Variants in PTN observed in about 807,000 individuals in gnomAD.
PTN encodes heparin affin regulatory protein.
A neutral mutation model predicts 24.1 loss-of-function variants in PTN; 18 were observed. That is an observed-to-expected ratio of 0.75 (90% CI 0.52 to 1.11). The LOEUF (loss-of-function observed/expected upper bound fraction) is 1.11. Among genes scored for constraint, PTN ranks in the 50% least tolerant of loss-of-function variants. The pLI, the probability that PTN is intolerant of heterozygous loss-of-function variation, is 0.00. For synonymous variants in PTN, 78 were observed against 68.6 expected (o/e 1.14, Z -0.67); for missense variants, 163 against 198.8 (o/e 0.82, Z 1.08).
intron 1 of PTN, among the ~76,000 whole-genome samples, chr7:137,316,871 C>T (rs551329278): frequency 6.6e-5 from 10 of 152,262 alleles, no homozygotes; most frequent in South Asian, 2.1e-4. Flanking sequence ...TGTGGAAATA[C>T]GCAAGGCAGT....
intron 1 of PTN, among the ~76,000 whole-genome samples, chr7:137,330,303 T>C (rs1044855473): frequency 4.3e-5 from 6 of 140,914 alleles, no homozygotes; most frequent in Non-Finnish European, 6.2e-5. Flanking sequence ...ATGAAGAAGA[T>C]GGAGAAGGAG....
At chr7:137,298,207 C>A (rs1344141288) in intron 1 of PTN, among the ~76,000 whole-genome samples, 1 of 151,930 alleles carries the variant, frequency 6.6e-6, no homozygotes, top group African/African-American at 2.4e-5. Context: ...TTGTGTTAAT[C>A]CAAATTTTGA....
chr7:137,340,828 G>A (rs1810521997), intron 1 of PTN, among the ~76,000 whole-genome samples: 1 of 152,336 alleles, frequency 6.6e-6, no homozygotes. Context: ...GCACTCAGGT[G>A]TGGAGGATGT....
intron 1 of PTN, among the ~76,000 whole-genome samples, chr7:137,299,314 TA>T (rs1331895616): frequency 6.6e-6 from 1 of 151,976 alleles, no homozygotes; most frequent in Admixed American, 6.6e-5. Flanking sequence ...GCTCTAGGCA[TA>T]ATACTAAATG....
At chr7:137,336,043 G>T (rs1295018448) in intron 1 of PTN, among the ~76,000 whole-genome samples, 2 of 150,870 alleles carry the variant, frequency 1.3e-5, no homozygotes, top group African/African-American at 4.9e-5. Flanking sequence ...GGCAATCTCT[G>T]TGTGTCCTGA....
chr7:137,315,171 C>T (rs1054560650), intron 1 of PTN, among the ~76,000 whole-genome samples: 28 of 152,070 alleles, frequency 1.8e-4, no homozygotes, highest in Non-Finnish European at 4.4e-5. Context: ...ATAATTATGC[C>T]ATGCAATGGT....
chr7:137,336,443 G>T lies in PTN; in HGVS notation c.-2+6996C>A, dbSNP rs559569629. Among the ~76,000 whole-genome samples the T allele has an allele frequency of 2.7e-4, 41 of 152,196 alleles. No homozygotes were observed. In the South Asian group the frequency reaches 6.8e-3, roughly 25 times the overall value. ...TCAGCAATAAAGTGCCTGTCTCTTG[G>T]ATTGGGAGTCTTCTGTATGCAAAAT... On this transcript the variant is annotated intron_variant, in intron 1 of 4. Transcript: ENST00000348225.
intron 1 of PTN, among the ~76,000 whole-genome samples, chr7:137,324,519 C>T (rs1025628550): frequency 9.4e-5 from 14 of 149,598 alleles, no homozygotes; most frequent in Non-Finnish European, 2.1e-4. Context: ...CACTTTAAGA[C>T]CACAGCCCCA....
At chr7:137,338,285 A>T (rs911785941) in intron 1 of PTN, among the ~76,000 whole-genome samples, 4 of 152,202 alleles carry the variant, frequency 2.6e-5, no homozygotes, top group Non-Finnish European at 2.9e-5. Flanking sequence ...GGACATCTAC[A>T]GGGAGTGCCA....
intron 1 of PTN, among the ~76,000 whole-genome samples, chr7:137,293,418 C>A (rs1809671755): frequency 6.6e-6 from 1 of 152,056 alleles, no homozygotes; most frequent in Non-Finnish European, 1.5e-5. Flanking sequence ...CCCTAAATAC[C>A]TTTAGAAGTT....
At chr7:137,271,163 A>T (rs1276628278) in intron 1 of PTN, among the ~76,000 whole-genome samples, 1 of 152,194 alleles carries the variant, frequency 6.6e-6, no homozygotes, top group Non-Finnish European at 1.5e-5. Flanking sequence ...ATCTGATCAA[A>T]CCTGAAATCG....
intron 1 of PTN, among the ~76,000 whole-genome samples, chr7:137,267,376 T>G (rs1436733698): frequency 6.6e-6 from 1 of 152,070 alleles, no homozygotes; most frequent in Admixed American, 6.6e-5. Context: ...CCGCTTATGC[T>G]GCTGTTCTCT....
intron 1 of PTN, among the ~76,000 whole-genome samples, chr7:137,328,834 C>T (rs1810304653): frequency 1.3e-5 from 2 of 152,068 alleles, no homozygotes; most frequent in South Asian, 2.1e-4. Flanking sequence ...CATTCCTTAT[C>T]CAAGACACGG....
chr7:137,257,385 T>C (rs1808952442), intron 1 of PTN, among the ~76,000 whole-genome samples: 1 of 152,242 alleles, frequency 6.6e-6, no homozygotes. Flanking sequence ...TTCTACTGAT[T>C]CTGAGGCTTT....
chr7:137,299,621 A>C (rs1451735149), intron 1 of PTN, among the ~76,000 whole-genome samples: 1 of 151,930 alleles, frequency 6.6e-6, no homozygotes, highest in Non-Finnish European at 1.5e-5. Flanking sequence ...GAAAGTGCTA[A>C]AAACCATGCT....
At position 137,234,941 on chromosome 7, in the gene PTN, T is replaced by C. The variant is rs141314337; in HGVS notation, c.452-6866A>G. Reference sequence around the variant, plus strand: ...TAAAGCAGTGGGAGGAAGTATTGATTAGAATAGAAATACAAAATGTGCACC... The same window carrying C: ...TAAAGCAGTGGGAGGAAGTATTGATCAGAATAGAAATACAAAATGTGCACC... On this transcript the variant is annotated intron_variant, in intron 4 of 4. Transcript: ENST00000348225. Among the ~76,000 whole-genome samples the C allele has an allele frequency of 2.4e-3, 359 of 152,148 alleles. 2 individuals carry two copies. The highest frequency in any genetic ancestry group is 8.1e-3 in the African/African-American group (335 of 41,542).
chr7:137,280,051 G>A (rs1809441560), intron 1 of PTN, among the ~76,000 whole-genome samples: 1 of 152,170 alleles, frequency 6.6e-6, no homozygotes, highest in Admixed American at 6.5e-5. Flanking sequence ...GAGATAAATT[G>A]TCAACATACA....
intron 1 of PTN, among the ~76,000 whole-genome samples, chr7:137,321,303 T>C (rs1810159486): frequency 6.6e-6 from 1 of 152,190 alleles, no homozygotes; most frequent in Non-Finnish European, 1.5e-5. Flanking sequence ...AAGAGATGTT[T>C]GTTTTGAAAG....
At chr7:137,332,476 C>A (rs1450832384) in intron 1 of PTN, among the ~76,000 whole-genome samples, 1 of 152,082 alleles carries the variant, frequency 6.6e-6, no homozygotes, top group Non-Finnish European at 1.5e-5. Context: ...ATTTGAGATT[C>A]TGCATATTCC....
Sources: gnomAD v4.1 joint callset for allele counts (sites outside exome capture counted in the v4.1 genomes callset) on GRCh38, gnomAD v4.1.1 for gene constraint, MANE v1.5 for transcripts, NCBI Gene and HGNC (gene_info 2026-07-23, HGNC 2026-07-21) for gene names.